FAM168A: variants seen among roughly 807,000 people sequenced by gnomAD.
FAM168A encodes the protein protein FAM168A.
In FAM168A, 3 loss-of-function variants were observed where a neutral mutation model predicts 28.5. The observed-to-expected ratio is 0.11, with a 90% CI of 0.05 to 0.27. The LOEUF (loss-of-function observed/expected upper bound fraction) is 0.27, where lower values mean the gene tolerates loss of function less well. Ranked by LOEUF, FAM168A falls within the 10% of genes least tolerant of loss-of-function variation. The probability of loss-of-function intolerance (pLI) is 1.00; values close to 1 mark genes in which losing one functional copy is unlikely to be tolerated. For synonymous variants in FAM168A, 122 were observed against 124.2 expected, an observed-to-expected ratio of 0.98 and a Z score of 0.12; for missense variants, 222 against 311.5, an observed-to-expected ratio of 0.71 and a Z score of 2.16.
chr11:73,417,941 G>C (rs548283446), intron 4 of FAM168A, among the ~76,000 whole-genome samples: 17 of 152,062 alleles, frequency 1.1e-4, no homozygotes, highest in Non-Finnish European at 4.4e-5. Flanking sequence ...ACCTTTTTCC[G>C]GCTGTGCTGC....
At chr11:73,567,310 T>C (rs1235588604) in intron 1 of FAM168A, among the ~76,000 whole-genome samples, 1 of 152,008 alleles carries the variant, frequency 6.6e-6, no homozygotes, top group East Asian at 1.9e-4. Flanking sequence ...AGATAAGAAA[T>C]ACAAAGAGAA....
At chr11:73,571,822 C>G (rs560002348) in intron 1 of FAM168A, among the ~76,000 whole-genome samples, 61 of 151,454 alleles carry the variant, frequency 4.0e-4, no homozygotes, top group African/African-American at 1.5e-3. Context: ...CGGCCGCCAT[C>G]CCATCTAGGA....
In FAM168A at chr11:73,573,697, G is replaced by A. The variant is rs1291326706; in HGVS notation, c.-19+24226C>T. On this transcript the variant is annotated intron_variant, in intron 1 of 7. Transcript: ENST00000356467. ...CTCATGCCCGTAATCCCAGCACTTT[G>A]GGAGGCCAAGACAGGAGGTTGGCTG... Among the ~76,000 whole-genome samples, 7 of 152,170 alleles carry A rather than the reference G, an allele frequency of 4.6e-5. No individual in the cohort carries two copies. The East Asian group carries it at 1.3e-3, about 29-fold the overall frequency.
chr11:73,530,362 G>A (rs1413896081), intron 1 of FAM168A, among the ~76,000 whole-genome samples: 3 of 152,164 alleles, frequency 2.0e-5, no homozygotes, highest in African/African-American at 7.2e-5. Flanking sequence ...TGCCGATAGA[G>A]GGTGCTGGAA....
Position 73,494,115 on chromosome 11 carries a change from T to G in FAM168A, c.-18-25623A>C, listed in dbSNP as rs528340012. 1.4e-4 allele frequency among the ~76,000 whole-genome samples: 21 copies of G among 152,212 alleles called. 1 individual carries two copies. Among genetic ancestry groups the G allele is most frequent in the African/African-American group, 4.8e-4 (20 of 41,460 alleles). On this transcript the variant is annotated intron_variant, in intron 1 of 7. Transcript: ENST00000356467. ...ATGTACATTATGTACAGTATGGACATGTACATTATGTACAGTATGTACATA... is the reference window on the plus strand; with the variant it reads ...ATGTACATTATGTACAGTATGGACAGGTACATTATGTACAGTATGTACATA...
chr11:73,526,854 G>GCT (rs1206438289), intron 1 of FAM168A, among the ~76,000 whole-genome samples: 12 of 109,396 alleles, frequency 1.1e-4, no homozygotes, highest in African/African-American at 4.0e-4. Flanking sequence ...TAGCGACAGA[G>GCT]CAAGACTCCA....
chr11:73,511,225 C>A (rs546862678), intron 1 of FAM168A, among the ~76,000 whole-genome samples: 1 of 151,770 alleles, frequency 6.6e-6, no homozygotes, highest in South Asian at 2.1e-4. Context: ...GCTCCAGTAG[C>A]ACTGAATTTT....
intron 1 of FAM168A, among the ~76,000 whole-genome samples, chr11:73,541,943 T>C (rs373576451): frequency 6.6e-6 from 1 of 152,202 alleles, no homozygotes; most frequent in Non-Finnish European, 1.5e-5. Context: ...AATTAGACTC[T>C]AGGACTTCAG....
At position 73,481,388 on chromosome 11, in the gene FAM168A, C is replaced by T. The variant is rs79183249; in HGVS notation, c.-18-12896G>A. On this transcript the variant is annotated intron_variant, in intron 1 of 7. Coordinates refer to ENST00000356467, the MANE Select transcript of FAM168A (RefSeq NM_015159.3). ...ATCCCTAATACCTAGCACAGTCAGGCACAGAGTACCAGGGTTTCACAACCA... is the reference window on the plus strand; with the variant it reads ...ATCCCTAATACCTAGCACAGTCAGGTACAGAGTACCAGGGTTTCACAACCA... Among the ~76,000 whole-genome samples, 9 of 152,340 alleles carry T rather than the reference C, an allele frequency of 5.9e-5. No individual in the cohort carries two copies. The East Asian group carries it at 1.7e-3, about 29-fold the overall frequency.
chr11:73,484,548 C>CTATATCTATATATCTATATATCTA (rs757019842), intron 1 of FAM168A, among the ~76,000 whole-genome samples: 19 of 124,866 alleles, frequency 1.5e-4, no homozygotes, highest in Middle Eastern at 4.1e-3. Flanking sequence ...ATATATCTAT[C>CTATATCTATATATCTATATATCTA]TATATCTATA....
intron 1 of FAM168A, among the ~76,000 whole-genome samples, chr11:73,489,822 T>G (rs1868105347): frequency 6.6e-6 from 1 of 152,318 alleles, no homozygotes; most frequent in East Asian, 1.9e-4. Flanking sequence ...TCCCCTCTTT[T>G]CAATACTTTC....
chr11:73,406,442 G>C lies in FAM168A; in HGVS notation c.*321C>G, dbSNP rs922625360. On this transcript the variant is annotated 3_prime_UTR_variant, in exon 8 of 8. Coordinates refer to ENST00000356467, the MANE Select transcript of FAM168A (RefSeq NM_015159.3). ...AAACCCTACTCTCTGCTTGCCTCTA[G>C]ACTGGGATCCCCAGGGACAGGACAC... 46 of 152,136 alleles carry C rather than the reference G, an allele frequency of 3.0e-4. No individual in the cohort carries two copies. Among genetic ancestry groups the C allele is most frequent in the Non-Finnish European group, 1.0e-4 (7 of 68,066 alleles). 9.4% of individuals were successfully genotyped at this position (152,136 alleles called of 1,614,324 possible).
intron 1 of FAM168A, among the ~76,000 whole-genome samples, chr11:73,547,524 TGCTGATGCACACCTG>T (rs1207893866): frequency 6.6e-6 from 1 of 152,024 alleles, no homozygotes; most frequent in Non-Finnish European, 1.5e-5. Context: ...AAGCCAGGTG[TGCTGATGCACACCTG>T]TAGTCCCAGC....
intron 1 of FAM168A, among the ~76,000 whole-genome samples, chr11:73,532,254 C>G (rs1466316953): frequency 1.3e-5 from 2 of 152,212 alleles, no homozygotes; most frequent in East Asian, 1.9e-4. Flanking sequence ...ATTTGTGTGT[C>G]TCTTTCCAAA....
intron 4 of FAM168A, among the ~76,000 whole-genome samples, chr11:73,413,811 A>C (rs780137986): frequency 1.2e-4 from 18 of 152,210 alleles, no homozygotes; most frequent in Non-Finnish European, 2.2e-4. Context: ...CTCACCTATA[A>C]TCCCAGCACT....
intron 2 of FAM168A, among the ~76,000 whole-genome samples, chr11:73,449,055 A>G (rs1204590328): frequency 6.6e-6 from 1 of 152,004 alleles, no homozygotes; most frequent in Non-Finnish European, 1.5e-5. Context: ...GGCTCACTGC[A>G]GCCTTGACCT....
At chr11:73,571,893 A>C (rs1944095135) in intron 1 of FAM168A, among the ~76,000 whole-genome samples, 1 of 132,904 alleles carries the variant, frequency 7.5e-6, no homozygotes, top group Non-Finnish European at 1.6e-5. Context: ...CCCCTGCCCC[A>C]CCGCCCCACC....
chr11:73,595,273 A>G (rs1245783359), intron 1 of FAM168A, among the ~76,000 whole-genome samples: 2 of 152,330 alleles, frequency 1.3e-5, no homozygotes, highest in East Asian at 3.9e-4. Flanking sequence ...ATTATAATAC[A>G]GAAAGCTTCC....
At chr11:73,526,943 G>C (rs11235793) in intron 1 of FAM168A, among the ~76,000 whole-genome samples, 1 of 149,740 alleles carries the variant, frequency 6.7e-6, no homozygotes, top group African/African-American at 2.5e-5. Flanking sequence ...ACTTGCCAGA[G>C]TCTCTGGCTT....
Sources: gnomAD v4.1 joint callset for allele counts (sites outside exome capture counted in the v4.1 genomes callset) on GRCh38, gnomAD v4.1.1 for gene constraint, MANE v1.5 for transcripts, NCBI Gene and HGNC (gene_info 2026-07-23, HGNC 2026-07-21) for gene names.